The following XKR5 variants were observed in gnomAD, a reference collection of about 807,000 sequenced individuals.
XKR5 encodes XK-related protein 5.
A neutral mutation model predicts 40.8 loss-of-function variants in XKR5; 46 were observed. The ratio of observed to expected loss-of-function variants is 1.13; its 90% confidence interval spans 0.89 to 1.44. XKR5 has a LOEUF of 1.44. Among genes scored for constraint, XKR5 ranks in the 40% most tolerant of loss-of-function variants. XKR5 has a pLI of 0.00. For missense variants in XKR5, 1,169 were observed against 844.7 expected, an observed-to-expected ratio of 1.38 and a Z score of -4.76; for synonymous variants, 466 against 356.1, an observed-to-expected ratio of 1.31 and a Z score of -3.48.
At chr8:6,813,222 A>T (rs993874697) in intron 6 of XKR5, among the ~76,000 whole-genome samples, 30 of 152,208 alleles carry the variant, frequency 2.0e-4, no homozygotes, top group African/African-American at 7.0e-4. Flanking sequence ...CCAGGCTCCA[A>T]CCTTGGAAAG....
At chr8:6,812,499 A>G (rs1459726870) in intron 6 of XKR5, among the ~76,000 whole-genome samples, 160 bp from the exon 7 acceptor site, 1 of 152,210 alleles carries the variant, frequency 6.6e-6, no homozygotes, top group African/African-American at 2.4e-5. Context: ...TTTCGGGGGA[A>G]TTTAAGTAGG....
chr8:6,817,169 C>T (rs1803998504), intron 5 of XKR5, among the ~76,000 whole-genome samples: 1 of 152,162 alleles, frequency 6.6e-6, no homozygotes, highest in African/African-American at 2.4e-5. Context: ...CATTCTCTCT[C>T]TGAAATCTCT....
rs763116397 is a variant in XKR5 at position 6,811,880 on chromosome 8, C to A, written c.1379G>T (p.Arg460Leu). ...SAQQELPSSS[R>L]DPSTLENSSA... is the part of the protein sequence containing the mutation. ...GCTGTTCTCTAAGGTTGAGGGGTCA[C>A]GGGATGAGGATGGGAGCTCTTGCTG... Residue 460 changes from arginine (R) to leucine (L), a missense_variant, in exon 7 of 7, where the codon CGT becomes CTT. Arg to Leu is a moderately radical substitution (Grantham distance 102). Transcript: ENST00000618742. 2.0e-6 allele frequency: 3 copies of A among 1,537,366 alleles called. No homozygotes were observed. Among genetic ancestry groups the A allele is most frequent in the Non-Finnish European group, 1.7e-6 (2 of 1,146,986 alleles).
At chr8:6,827,141 G>A (rs572836571) in intron 2 of XKR5, among the ~76,000 whole-genome samples, 2 of 152,254 alleles carry the variant, frequency 1.3e-5, no homozygotes, top group South Asian at 4.2e-4. Context: ...CGGGCTCTCA[G>A]GCTTCGAGTC....
At chr8:6,834,677 C>A (rs550664055) in intron 1 of XKR5, among the ~76,000 whole-genome samples, 39 of 151,186 alleles carry the variant, frequency 2.6e-4, no homozygotes, top group Admixed American at 5.9e-4. Flanking sequence ...ACCCCCTCTT[C>A]CACCCCAGGG....
At chr8:6,825,468 C>T (rs1295655247) in intron 2 of XKR5, 119 bp from the exon 3 acceptor site, 12 of 910,330 alleles carry the variant, frequency 1.3e-5, no homozygotes, top group Non-Finnish European at 1.9e-5. Context: ...TACTAGTCAC[C>T]TAGAGTTACT....
chr8:6,835,440 G>C lies in XKR5; in HGVS notation c.54C>G (p.Ser18Arg), dbSNP rs750930287. The C allele has an allele frequency of 2.7e-6, 4 of 1,490,082 alleles. No individual in the cohort carries two copies. Among genetic ancestry groups the C allele is most frequent in the South Asian group, 1.3e-5 (1 of 79,176 alleles). The allele number at this position is 1,490,082 out of a possible 1,614,324, so 92.3% of individuals were successfully genotyped here. The change falls in exon 1 of 7, where the codon AGC (serine) becomes AGG (arginine). Residue 18 changes from serine to arginine, a missense_variant. Physicochemically the swap from Ser to Arg is moderately radical, Grantham distance 110. Transcript: ENST00000618742. ...GCCTCGGGCTGCCGCACTCACGCGCGCTCTGCTCGGCCGCCTGCAGCAGGG... is the reference window on the plus strand; with the variant it reads ...GCCTCGGGCTGCCGCACTCACGCGCCCTCTGCTCGGCCGCCTGCAGCAGGG... ...LSALLQAAEQ[S>R]ARLYTVAYYF...
intron 4 of XKR5, 53 bp downstream of exon 4, chr8:6,823,468 C>G: frequency 6.5e-7 from 1 of 1,533,602 alleles, no homozygotes. Context: ...ACCTTCATTT[C>G]TGGGTTGATT....
chr8:6,813,841 G>A (rs1422252002), intron 6 of XKR5, among the ~76,000 whole-genome samples: 2 of 152,324 alleles, frequency 1.3e-5, no homozygotes, highest in East Asian at 3.9e-4. Context: ...AAGGAAACCA[G>A]GCATCCACTC....
Position 6,824,730 on chromosome 8 carries a change from C to A in XKR5, c.427+435G>T, listed in dbSNP as rs113688378. On this transcript the variant is annotated intron_variant, in intron 3 of 6. Transcript: ENST00000618742. ...ATTTTTTGGTAGAGATGGGTTTTTGCCTGGCTGGTCTTGAGCTCCTGGGCT... is the reference window on the plus strand; with the variant it reads ...ATTTTTTGGTAGAGATGGGTTTTTGACTGGCTGGTCTTGAGCTCCTGGGCT... Among the ~76,000 whole-genome samples, 1,232 of 152,134 alleles carry A rather than the reference C, an allele frequency of 8.1e-3. 18 individuals carry two copies. The highest frequency in any genetic ancestry group is 0.028 in the African/African-American group (1,154 of 41,460).
intron 5 of XKR5, among the ~76,000 whole-genome samples, chr8:6,819,053 G>A (rs531150822): frequency 1.2e-3 from 189 of 152,298 alleles, no homozygotes; most frequent in African/African-American, 4.1e-3. Context: ...AAAAACAAAA[G>A]CAAATACAAA....
chr8:6,832,614 T>A, intron 2 of XKR5, 103 bp downstream of exon 2: 1 of 1,474,248 alleles, frequency 6.8e-7, no homozygotes, highest in South Asian at 1.2e-5. Flanking sequence ...TTCCCAATGC[T>A]GAACTTTTAT....
At chr8:6,814,961 G>C (rs1459958778) in intron 6 of XKR5, among the ~76,000 whole-genome samples, 2 of 152,222 alleles carry the variant, frequency 1.3e-5, no homozygotes, top group Non-Finnish European at 2.9e-5. Context: ...GCCACTTCCA[G>C]GCACCTCTTC....
At chr8:6,824,556 G>A (rs1448439198) in intron 3 of XKR5, among the ~76,000 whole-genome samples, 1 of 151,996 alleles carries the variant, frequency 6.6e-6, no homozygotes, top group African/African-American at 2.4e-5. Context: ...TTTGAGACAG[G>A]GTCTCACTCT....
intron 1 of XKR5, among the ~76,000 whole-genome samples, chr8:6,834,619 G>A (rs11989622): frequency 0.046 from 6,969 of 152,066 alleles, 514 homozygotes; most frequent in African/African-American, 0.16. Context: ...GGACCTGCGG[G>A]GACGCCCGCG....
intron 6 of XKR5, among the ~76,000 whole-genome samples, chr8:6,814,806 C>G (rs898815075): frequency 6.6e-6 from 1 of 152,166 alleles, no homozygotes; most frequent in African/African-American, 2.4e-5. Context: ...GTTACGAAGC[C>G]ACAGTGTGTG....
At chr8:6,826,408 A>G (rs574315066) in intron 2 of XKR5, among the ~76,000 whole-genome samples, 4 of 152,174 alleles carry the variant, frequency 2.6e-5, no homozygotes, top group African/African-American at 9.6e-5. Context: ...AGCTAATAGA[A>G]TACTTCCAGC....
intron 5 of XKR5, among the ~76,000 whole-genome samples, chr8:6,821,656 G>A (rs1259257298): frequency 6.6e-6 from 1 of 152,122 alleles, no homozygotes; most frequent in Non-Finnish European, 1.5e-5. Flanking sequence ...TTGAATGCAG[G>A]GCCACAGCTG....
At chr8:6,833,962 G>A (rs1488318788) in intron 1 of XKR5, among the ~76,000 whole-genome samples, 2 of 152,160 alleles carry the variant, frequency 1.3e-5, no homozygotes, top group African/African-American at 4.8e-5. Context: ...TTTGATGGTG[G>A]TTACGCAGTG....
Sources: gnomAD v4.1 joint callset for allele counts (sites outside exome capture counted in the v4.1 genomes callset) on GRCh38, gnomAD v4.1.1 for gene constraint, MANE v1.5 for transcripts, NCBI Gene and HGNC (gene_info 2026-07-23, HGNC 2026-07-21) for gene names.